The following RSF1 variants were observed in gnomAD, a reference collection of about 807,000 sequenced individuals.
RSF1 encodes the protein HBV pX-associated protein 8.
Under a neutral mutation model 145.2 loss-of-function variants are expected in RSF1, and 13 were observed. The observed-to-expected ratio is 0.09, with a 90% CI of 0.06 to 0.14. The LOEUF (loss-of-function observed/expected upper bound fraction) is 0.14, where lower values mean the gene tolerates loss of function less well. Among genes scored for constraint, RSF1 ranks in the 10% least tolerant of loss-of-function variants. The pLI is 1.00. For missense variants in RSF1, 1,517 were observed against 1,718.2 expected (o/e 0.88, Z 2.07); for synonymous variants, 577 against 592.6 (o/e 0.97, Z 0.38).
chr11:77,872,158 C>G, the RSF1 span: 2 of 1,609,278 alleles, frequency 1.2e-6, no homozygotes, highest in Non-Finnish European at 1.7e-6. Context: ...TTACTCATCT[C>G]TTTTCCACCT....
At chr11:77,810,324 A>G (rs1390237067) in intron 1 of RSF1, among the ~76,000 whole-genome samples, 1 of 152,192 alleles carries the variant, frequency 6.6e-6, no homozygotes, top group Non-Finnish European at 1.5e-5. Flanking sequence ...TTGCCTTATG[A>G]CAATTAGGCA....
chr11:77,707,670 T>C (rs1485661952), intron 5 of RSF1, among the ~76,000 whole-genome samples: 3 of 152,184 alleles, frequency 2.0e-5, no homozygotes, highest in Admixed American at 6.5e-5. Flanking sequence ...TGTTCAAAGC[T>C]TCTAGATATG....
At chr11:77,833,532 A>G in the RSF1 span, among the ~76,000 whole-genome samples, 1 of 152,186 alleles carries the variant, frequency 6.6e-6, no homozygotes, top group Non-Finnish European at 1.5e-5. Context: ...ACATACAGAC[A>G]AAGTATCGCT....
chr11:77,732,296 C>T (rs1327485335), intron 4 of RSF1, among the ~76,000 whole-genome samples: 1 of 152,174 alleles, frequency 6.6e-6, no homozygotes, highest in South Asian at 2.1e-4. Context: ...ATGCCTGTAC[C>T]CCCATTGTAT....
At chr11:77,698,432 G>C in intron 7 of RSF1, 55 bp downstream of exon 7, 3 of 1,477,196 alleles carry the variant, frequency 2.0e-6, no homozygotes, top group Non-Finnish European at 2.8e-6. Flanking sequence ...GGCTGCTCCA[G>C]GCAACCTCAC....
rs1382470874 is a variant in RSF1 at position 77,662,070 on chromosome 11, C to T, written c.*4847G>A. On this transcript the variant is annotated 3_prime_UTR_variant, in exon 16 of 16. Transcript: ENST00000308488. ...CCTTAGCACACTTTCTAACTTGTAC[C>T]GGTTTGGCCAAAAAAGGAAAAAACA... is the stretch of plus-strand genomic sequence containing the variant. 2.6e-5 allele frequency: 4 copies of T among 151,904 alleles called. No individual in the cohort carries two copies. The highest frequency in any genetic ancestry group is 2.9e-5 in the Non-Finnish European group (2 of 67,944). The allele number at this position is 151,904 out of a possible 1,614,324, so 9.4% of individuals were successfully genotyped here. A position where few individuals can be genotyped will look rare whatever the true frequency, so the allele number is the denominator to read the frequency against.
intron 11 of RSF1, among the ~76,000 whole-genome samples, chr11:77,681,953 G>A (rs979683354): frequency 1.3e-5 from 2 of 151,874 alleles, no homozygotes; most frequent in South Asian, 4.2e-4. Flanking sequence ...TTAATGCATC[G>A]CTAATGAAGT....
chr11:77,712,428 T>C (rs1035780118), intron 5 of RSF1, among the ~76,000 whole-genome samples: 15 of 152,210 alleles, frequency 9.9e-5, no homozygotes, highest in Admixed American at 2.6e-4. Context: ...CAGGTATATC[T>C]TTATTAGCAG....
chr11:77,743,519 G>A (rs1947964754), intron 3 of RSF1, among the ~76,000 whole-genome samples: 1 of 152,002 alleles, frequency 6.6e-6, no homozygotes, highest in Admixed American at 6.6e-5. Flanking sequence ...TTTTTGGATT[G>A]TCTGTGATTT....
At chr11:77,731,542 G>A (rs1050085831) in intron 4 of RSF1, among the ~76,000 whole-genome samples, 2 of 152,372 alleles carry the variant, frequency 1.3e-5, no homozygotes, top group Middle Eastern at 3.4e-3. Flanking sequence ...CTCCAGGCAT[G>A]TCAGAGGTCT....
chr11:77,818,151 AG>A (rs1243143749), intron 1 of RSF1, among the ~76,000 whole-genome samples: 1 of 152,222 alleles, frequency 6.6e-6, no homozygotes, highest in Admixed American at 6.5e-5. Flanking sequence ...TTCTTAGCCC[AG>A]GTTACCTGTC....
intron 1 of RSF1, among the ~76,000 whole-genome samples, chr11:77,788,631 T>G (rs1948485682): frequency 6.6e-6 from 1 of 152,054 alleles, no homozygotes; most frequent in Non-Finnish European, 1.5e-5. Flanking sequence ...AGTCGTGGCA[T>G]GCATCTAAAG....
chr11:77,847,460 G>C, the RSF1 span, among the ~76,000 whole-genome samples: 1 of 152,188 alleles, frequency 6.6e-6, no homozygotes, highest in Admixed American at 6.5e-5. Flanking sequence ...GTTTTGAACT[G>C]CATGCACTCA....
intron 2 of RSF1, 82 bp from the exon 3 acceptor site, chr11:77,747,210 TTAA>T: frequency 1.2e-6 from 1 of 814,090 alleles, no homozygotes; most frequent in Non-Finnish European, 2.1e-6. Context: ...GCTGTTCTTG[TTAA>T]TACATGTTTA....
chr11:77,858,319 T>TTTTTTTTTG, the RSF1 span, among the ~76,000 whole-genome samples: 1 of 143,560 alleles, frequency 7.0e-6, no homozygotes, highest in Non-Finnish European at 1.5e-5. Context: ...TTTTTTTTTT[T>TTTTTTTTTG]TTTTTTTTGT....
chr11:77,750,467 A>C (rs1948050282), intron 2 of RSF1, among the ~76,000 whole-genome samples: 2 of 152,320 alleles, frequency 1.3e-5, no homozygotes, highest in South Asian at 4.1e-4. Flanking sequence ...ACCAAATATT[A>C]TTCTTCTTTT....
At chr11:77,769,063 T>C (rs1948255712) in intron 1 of RSF1, among the ~76,000 whole-genome samples, 1 of 152,156 alleles carries the variant, frequency 6.6e-6, no homozygotes, top group African/African-American at 2.4e-5. Flanking sequence ...ATCAATCATA[T>C]ATATATTTTT....
intron 1 of RSF1, among the ~76,000 whole-genome samples, chr11:77,817,922 TTGA>T (rs1425420271): frequency 3.3e-5 from 5 of 152,168 alleles, no homozygotes; most frequent in Non-Finnish European, 5.9e-5. Flanking sequence ...CAAGCCAACT[TTGA>T]TGATGATATC....
At chr11:77,800,936 T>G (rs978240705) in intron 1 of RSF1, among the ~76,000 whole-genome samples, 1 of 151,918 alleles carries the variant, frequency 6.6e-6, no homozygotes, top group Non-Finnish European at 1.5e-5. Flanking sequence ...GCCCACTAGG[T>G]CAAGGTGGCA....
Sources: gnomAD v4.1 joint callset for allele counts (sites outside exome capture counted in the v4.1 genomes callset) on GRCh38, gnomAD v4.1.1 for gene constraint, MANE v1.5 for transcripts, NCBI Gene and HGNC (gene_info 2026-07-23, HGNC 2026-07-21) for gene names.